Variants in FAM25A observed in about 807,000 individuals in gnomAD.
The protein encoded by FAM25A is protein FAM25A.
Under a neutral mutation model 6.6 loss-of-function variants are expected in FAM25A, and 5 were observed. That is an observed-to-expected ratio of 0.75 (90% CI 0.39 to 1.59). The LOEUF is 1.59. Ranked by LOEUF, FAM25A falls within the 40% of genes most tolerant of loss-of-function variation. The pLI, the probability that FAM25A is intolerant of heterozygous loss-of-function variation, is 0.02. For missense variants in FAM25A, 93 were observed against 109.7 expected (o/e 0.85, Z 0.68); for synonymous variants, 36 against 41.3 (o/e 0.87, Z 0.49).
intron 1 of FAM25A, among the ~76,000 whole-genome samples, chr10:87,021,415 C>T (rs1380240581): frequency 6.6e-6 from 1 of 152,192 alleles, no homozygotes; most frequent in Non-Finnish European, 1.5e-5. Context: ...GCTTCTAGCA[C>T]TCCCATTTTC....
Position 87,020,370 on chromosome 10 carries a change from C to A in FAM25A, c.46C>A (p.Arg16Ser), listed in dbSNP as rs767968466. 1 of 1,549,368 alleles carries A rather than the reference C, an allele frequency of 6.5e-7. No homozygotes were observed. Among genetic ancestry groups the A allele is most frequent in the Non-Finnish European group, 8.7e-7 (1 of 1,146,806 alleles). The change falls in exon 1 of 3, where the codon CGC becomes AGC. Residue 16 changes from arginine (R) to serine (S), a missense_variant. Physicochemically the swap from Arg to Ser is moderately radical, Grantham distance 110. Coordinates refer to ENST00000343959, the MANE Select transcript of FAM25A (RefSeq NM_001146157.3). ...GKLAAEGLAH[R>S]TEKATEGAIH... ...GCTGGCTGCCGAAGGCCTGGCCCAC[C>A]GCACCGAGAAGGCCACCGAGGGAGC...
In FAM25A at chr10:87,024,573, T is replaced by A; in HGVS notation, c.169T>A (p.Ser57Thr). 1 of 1,535,528 alleles carries A rather than the reference T, an allele frequency of 6.5e-7. No individual in the cohort carries two copies. Among genetic ancestry groups the A allele is most frequent in the Non-Finnish European group, 8.7e-7 (1 of 1,146,874 alleles). The change falls in exon 3 of 3, where the codon TCA (serine) becomes ACA (threonine). Residue 57 changes from serine to threonine, a missense_variant. By Grantham distance (58) the Ser-to-Thr change is moderately conservative (BLOSUM62 1). Coordinates refer to ENST00000343959, the MANE Select transcript of FAM25A (RefSeq NM_001146157.3). ...IAEAIKKAQE[S>T]GDKKMKEITE... is the part of the protein sequence containing the mutation. ...TGAAGCCATAAAGAAAGCCCAAGAG[T>A]CAGGGGACAAAAAGATGAAGGAAAT... is the stretch of plus-strand genomic sequence containing the variant.
intron 1 of FAM25A, 81 bp downstream of exon 1, chr10:87,020,478 C>T: frequency 8.6e-6 from 13 of 1,509,862 alleles, no homozygotes; most frequent in Non-Finnish European, 1.2e-5. Flanking sequence ...TCTAAGTAGG[C>T]AGGTGAGGAC....
Position 87,024,679 on chromosome 10 carries a change from A to C in FAM25A, c.*5A>C, listed in dbSNP as rs1182568978. 2.0e-6 allele frequency: 3 copies of C among 1,535,760 alleles called. No individual in the cohort carries two copies. Among genetic ancestry groups the C allele is most frequent in the Non-Finnish European group, 1.7e-6 (2 of 1,146,890 alleles). On this transcript the variant is annotated 3_prime_UTR_variant, in exon 3 of 3. Transcript: ENST00000343959. The stretch of plus-strand genomic sequence containing the variant: ...CTGGACAAACTTGGACAGTGAGTGC[A>C]CCTGCTACCACGGCCCTTCCCCAGT...
At chr10:87,023,406 T>C (rs2133757173) in intron 2 of FAM25A, among the ~76,000 whole-genome samples, 1 of 152,188 alleles carries the variant, frequency 6.6e-6, no homozygotes, top group East Asian at 1.9e-4. Context: ...GAGATAACCA[T>C]CTTAGCTCAG....
chr10:87,024,493 G>T, intron 2 of FAM25A, 48 bp from the exon 3 acceptor site: 1 of 1,535,786 alleles, frequency 6.5e-7, no homozygotes, highest in African/African-American at 1.4e-5. Flanking sequence ...GGGGACACAA[G>T]TTCAGCGGGT....
chr10:87,020,518 C>A, intron 1 of FAM25A, 121 bp downstream of exon 1: 1 of 1,283,158 alleles, frequency 7.8e-7, no homozygotes. Flanking sequence ...CCTCAGGAAC[C>A]CTGGTCCCCT....
At chr10:87,024,339 C>T (rs1244010243) in intron 2 of FAM25A, among the ~76,000 whole-genome samples, 1 of 152,200 alleles carries the variant, frequency 6.6e-6, no homozygotes, top group South Asian at 2.1e-4. Flanking sequence ...TGCTCAGTCT[C>T]ACTCACAGTT....
In FAM25A at chr10:87,024,602, T is replaced by A; in HGVS notation, c.198T>A (p.Thr66=). ...GGGACAAAAAGATGAAGGAAATCAC[T>A]GAGACAGTGACCAACACAGTCACAA... ...ESGDKKMKEI[T]ETVTNTVTNA... The change falls in exon 3 of 3, where the codon ACT becomes ACA. Residue 66 remains threonine (T), a synonymous_variant. Transcript: ENST00000343959. 1 of 1,535,694 alleles carries A rather than the reference T, an allele frequency of 6.5e-7. No individual in the cohort carries two copies. The highest frequency in any genetic ancestry group is 8.7e-7 in the Non-Finnish European group (1 of 1,146,894).
At position 87,024,538 on chromosome 10, in the gene FAM25A, C is replaced by T; in HGVS notation, c.137-3C>T. The T allele has an allele frequency of 2.0e-6, 3 of 1,535,812 alleles. No individual in the cohort carries two copies. The highest frequency in any genetic ancestry group is 1.2e-5 in the South Asian group (1 of 83,972). ...GGACATTCTTCCTCTTTCTTTCCAA[C>T]AGCCATTGCTGAAGCCATAAAGAAA... On this transcript the variant is annotated splice_region_variant and splice_polypyrimidine_tract_variant and intron_variant, in intron 2 of 2. Coordinates refer to ENST00000343959, the MANE Select transcript of FAM25A (RefSeq NM_001146157.3).
Sources: allele counts gnomAD v4.1 joint callset (sites outside exome capture counted in the v4.1 genomes callset), GRCh38; gene constraint gnomAD v4.1.1; transcripts MANE v1.5; gene names NCBI Gene and HGNC (gene_info 2026-07-23, HGNC 2026-07-21).